The following HSPA12A variants were observed in gnomAD, a reference collection of about 807,000 sequenced individuals.
HSPA12A encodes the protein heat shock protein family A (Hsp70) member 12A, also known as heat shock 70 kDa protein 12A.
A neutral mutation model predicts 69.2 loss-of-function variants in HSPA12A; 28 were observed. The ratio of observed to expected loss-of-function variants is 0.40; its 90% confidence interval spans 0.30 to 0.55. The LOEUF (loss-of-function observed/expected upper bound fraction) is 0.55. Ranked by LOEUF, HSPA12A falls within the 20% of genes least tolerant of loss-of-function variation. The pLI is 0.38. For synonymous variants in HSPA12A, 345 were observed against 370.5 expected (o/e 0.93, Z 0.79); for missense variants, 686 against 900.7 (o/e 0.76, Z 3.05).
At chr10:116,817,202 C>T (rs1020476742) in intron 2 of HSPA12A, among the ~76,000 whole-genome samples, 1 of 151,994 alleles carries the variant, frequency 6.6e-6, no homozygotes, top group African/African-American at 2.4e-5. Flanking sequence ...GGATTTAGAA[C>T]AGAAACTTCT....
chr10:116,787,459 A>G (rs896123352), intron 2 of HSPA12A, among the ~76,000 whole-genome samples: 2 of 150,498 alleles, frequency 1.3e-5, no homozygotes, highest in Non-Finnish European at 3.0e-5. Context: ...AAAAAAAAAA[A>G]AAAACCACAG....
intron 2 of HSPA12A, among the ~76,000 whole-genome samples, chr10:116,766,114 TC>T (rs1278509177): frequency 6.6e-6 from 1 of 152,088 alleles, no homozygotes; most frequent in Non-Finnish European, 1.5e-5. Context: ...CCCCCTCTCC[TC>T]CCTTGTCCAC....
intron 2 of HSPA12A, among the ~76,000 whole-genome samples, chr10:116,792,613 CAAAAAAAA>C (rs56344323): frequency 9.3e-6 from 1 of 107,982 alleles, no homozygotes; most frequent in African/African-American, 3.8e-5. Flanking sequence ...CTTGCATCTA[CAAAAAAAA>C]AAAAAAAAAA....
At chr10:116,711,099 C>T (rs1325944062) in intron 1 of HSPA12A, among the ~76,000 whole-genome samples, 1 of 152,094 alleles carries the variant, frequency 6.6e-6, no homozygotes, top group Non-Finnish European at 1.5e-5. Context: ...TATGGAATGC[C>T]CTATACATAC....
At position 116,686,162 on chromosome 10, in the gene HSPA12A, C is replaced by G. The variant is rs1849571129; in HGVS notation, c.664-2200G>C. Among the ~76,000 whole-genome samples, 2 of 152,170 alleles carry G rather than the reference C, an allele frequency of 1.3e-5. No homozygotes were observed. The highest frequency in any genetic ancestry group is 4.8e-5 in the African/African-American group (2 of 41,438). The stretch of plus-strand genomic sequence containing the variant: ...AGGGTCACATTAGACATCCTTAGCA[C>G]AAACATGGCTGGAGGTTAAAGTGAA... On this transcript the variant is annotated intron_variant, in intron 6 of 11. Transcript: ENST00000369209. The surrounding 1 kb of genome is among the most constrained non-coding windows in gnomAD (Gnocchi z 4.1).
At chr10:116,716,493 C>T (rs1486066073) in intron 1 of HSPA12A, among the ~76,000 whole-genome samples, 1 of 152,054 alleles carries the variant, frequency 6.6e-6, no homozygotes, top group African/African-American at 2.4e-5. Flanking sequence ...CATGCATGTG[C>T]TCCTGTTGGG....
intron 1 of HSPA12A, among the ~76,000 whole-genome samples, chr10:116,847,304 C>A (rs1298904693): frequency 6.6e-6 from 1 of 152,186 alleles, no homozygotes; most frequent in Non-Finnish European, 1.5e-5. Context: ...CATCAATTCC[C>A]ATGGTTGCCA....
intron 2 of HSPA12A, among the ~76,000 whole-genome samples, chr10:116,821,030 C>G (rs1212004880): frequency 6.6e-6 from 1 of 152,086 alleles, no homozygotes; most frequent in African/African-American, 2.4e-5. Flanking sequence ...GCTTCTCACC[C>G]CTCCACCTTC....
intron 1 of HSPA12A, among the ~76,000 whole-genome samples, chr10:116,736,150 C>T (rs917928121): frequency 4.6e-5 from 7 of 152,052 alleles, no homozygotes; most frequent in East Asian, 1.9e-4. Context: ...GCCAATAAAC[C>T]TTTTTATTCA....
intron 1 of HSPA12A, among the ~76,000 whole-genome samples, chr10:116,730,363 G>A (rs985855358): frequency 2.1e-4 from 32 of 152,290 alleles, no homozygotes; most frequent in African/African-American, 7.5e-4. Flanking sequence ...TGAGGTCAAG[G>A]CCAGGTATGG....
chr10:116,726,923 C>T (rs1439006120), intron 1 of HSPA12A, among the ~76,000 whole-genome samples: 1 of 152,206 alleles, frequency 6.6e-6, no homozygotes, highest in Non-Finnish European at 1.5e-5. Flanking sequence ...GACTGCACAG[C>T]AACACCTCCC....
chr10:116,778,512 G>A (rs112397791), intron 2 of HSPA12A, among the ~76,000 whole-genome samples: 3 of 152,126 alleles, frequency 2.0e-5, no homozygotes, highest in Non-Finnish European at 2.9e-5. Context: ...AGGAGCTCAG[G>A]CTCCTTCAAA....
chr10:116,750,562 A>G, intron 2 of HSPA12A: 1 of 368,376 alleles, frequency 2.7e-6, no homozygotes, highest in Non-Finnish European at 5.2e-6. Context: ...CTTACAAAAA[A>G]CAGTCCTCTC....
intron 2 of HSPA12A, among the ~76,000 whole-genome samples, chr10:116,793,023 T>C (rs1389411615): frequency 3.3e-5 from 5 of 152,300 alleles, no homozygotes; most frequent in Non-Finnish European, 5.9e-5. Context: ...GATGATTCAT[T>C]TGATGTGCTG....
At chr10:116,763,717 T>C (rs1844019969) in intron 2 of HSPA12A, among the ~76,000 whole-genome samples, 1 of 152,184 alleles carries the variant, frequency 6.6e-6, no homozygotes, top group Non-Finnish European at 1.5e-5. Flanking sequence ...CAAAATGTGC[T>C]CTGGACTAGG....
chr10:116,834,671 C>A (rs1351172803), intron 2 of HSPA12A, among the ~76,000 whole-genome samples: 2 of 152,106 alleles, frequency 1.3e-5, no homozygotes, highest in South Asian at 4.2e-4. Context: ...GTGTGGCCAG[C>A]GATGATTCTA....
chr10:116,694,975 C>T (rs1849844458), intron 5 of HSPA12A, among the ~76,000 whole-genome samples: 1 of 152,144 alleles, frequency 6.6e-6, no homozygotes, highest in Non-Finnish European at 1.5e-5. Context: ...ACCCCCACCC[C>T]ACAGTGACCT....
chr10:116,823,622 C>T (rs1460259106), intron 2 of HSPA12A, among the ~76,000 whole-genome samples: 2 of 152,086 alleles, frequency 1.3e-5, no homozygotes, highest in African/African-American at 2.4e-5. Context: ...TGCTTTTTGA[C>T]AAGGGGGTGA....
intron 5 of HSPA12A, among the ~76,000 whole-genome samples, chr10:116,697,591 C>T (rs1554881024): frequency 6.6e-6 from 1 of 152,204 alleles, no homozygotes; most frequent in African/African-American, 2.4e-5. Context: ...CCACCCCACT[C>T]TCCAGTTAGG....
Sources: gnomAD v4.1 joint callset for allele counts (sites outside exome capture counted in the v4.1 genomes callset) on GRCh38, gnomAD v4.1.1 for gene constraint, Gnocchi (gnomAD v3.1) non-coding constraint, MANE v1.5 for transcripts, NCBI Gene and HGNC (gene_info 2026-07-23, HGNC 2026-07-21) for gene names.